The following ZNF217 variants were observed in gnomAD, a reference collection of about 807,000 sequenced individuals.
The protein encoded by ZNF217 is zinc finger protein 217.
A neutral mutation model predicts 73.3 loss-of-function variants in ZNF217; 12 were observed. The observed-to-expected ratio is 0.16, with a 90% CI of 0.10 to 0.27. ZNF217 has a LOEUF of 0.27. ZNF217 is among the 10% of genes least tolerant of loss of function. The pLI is 1.00. For synonymous variants in ZNF217, 588 were observed against 516.4 expected (o/e 1.14, Z -1.88); for missense variants, 1,195 against 1,327.8 (o/e 0.90, Z 1.55).
At chr20:53,586,655 T>G (rs1417212906) in intron 1 of ZNF217, among the ~76,000 whole-genome samples, 1 of 152,238 alleles carries the variant, frequency 6.6e-6, no homozygotes, top group Non-Finnish European at 1.5e-5. Context: ...TTTACATCCC[T>G]TAAAACCAAT....
intron 2 of ZNF217, among the ~76,000 whole-genome samples, chr20:53,579,782 CAG>C (rs1308406754): frequency 7.2e-5 from 11 of 152,286 alleles, no homozygotes; most frequent in African/African-American, 2.4e-4. Context: ...AGGTGGAAGA[CAG>C]GGGTCAATGA....
At chr20:53,594,668 C>T (rs1989008039), upstream of ZNF217, among the ~76,000 whole-genome samples, 1 of 151,966 alleles carries the variant, frequency 6.6e-6, no homozygotes, top group African/African-American at 2.4e-5. Context: ...AGGGTGTGCG[C>T]AGGCGCAGAT....
Position 53,576,421 on chromosome 20 carries a change from C to T in ZNF217, c.2343G>A (p.Pro781=), listed in dbSNP as rs140678854. 181 of 1,614,018 alleles carry T rather than the reference C, an allele frequency of 1.1e-4. No homozygotes were observed. Among genetic ancestry groups the T allele is most frequent in the Non-Finnish European group, 1.5e-4 (174 of 1,180,020 alleles). Residue 781 remains proline, a synonymous_variant, in exon 4 of 6, where the codon CCG becomes CCA. Coordinates refer to ENST00000371471, the MANE Select transcript of ZNF217 (RefSeq NM_006526.3). ...FCKPKPKSAF[P]AQSKSLPSAK... Reference sequence around the variant, plus strand: ...CAGATGGCAGGGATTTGGACTGCGCCGGGAAAGCAGACTTGGGCTTGGGTT... The same window carrying T: ...CAGATGGCAGGGATTTGGACTGCGCTGGGAAAGCAGACTTGGGCTTGGGTT...
intron 1 of ZNF217, among the ~76,000 whole-genome samples, chr20:53,592,669 G>A (rs1272520036): frequency 6.6e-6 from 1 of 151,738 alleles, no homozygotes; most frequent in African/African-American, 2.4e-5. Context: ...CCCCTCGGGC[G>A]GGACCGCCCA....
Position 53,575,406 on chromosome 20 carries a change from A to AAGACTACAGTAAG in ZNF217, c.3037+308_3037+320dup, listed in dbSNP as rs376490667. The AAGACTACAGTAAG allele has an allele frequency of 4.7e-3, 977 of 206,570 alleles. 10 individuals carry two copies. The highest frequency in any genetic ancestry group is 0.021 in the African/African-American group (891 of 43,310). 12.8% of individuals were successfully genotyped at this position (206,570 alleles called of 1,614,324 possible). ...AAGGATCTCTTGAACTCAGGAATTC[A>AAGACTACAGTAAG]AGACTACAGTAAGCTATGATTACAC... On this transcript the variant is annotated intron_variant, in intron 4 of 5. Coordinates refer to ENST00000371471, the MANE Select transcript of ZNF217 (RefSeq NM_006526.3).
At chr20:53,584,785 C>CT (rs1401092818) in intron 1 of ZNF217, among the ~76,000 whole-genome samples, 2 of 152,294 alleles carry the variant, frequency 1.3e-5, no homozygotes, top group Admixed American at 1.3e-4. Context: ...TGTGAAGTGA[C>CT]TTAGGTTTCT....
rs952360871 is a variant in ZNF217, at chr20:53,568,520, C to T, written c.*768G>A. 1 of 152,116 alleles carries T rather than the reference C, an allele frequency of 6.6e-6. No homozygotes were observed. The highest frequency in any genetic ancestry group is 1.5e-5 in the Non-Finnish European group (1 of 68,020). 9.4% of individuals were successfully genotyped at this position (152,116 alleles called of 1,614,324 possible). On this transcript the variant is annotated 3_prime_UTR_variant, in exon 6 of 6. Coordinates refer to ENST00000371471, the MANE Select transcript of ZNF217 (RefSeq NM_006526.3). The stretch of plus-strand genomic sequence containing the variant: ...CTCTTAAAAATCCTACAAGCCATCC[C>T]AACGCCCTCAGTCAAGGATCCTGGA...
chr20:53,581,570 C>A lies in ZNF217; in HGVS notation c.1257G>T (p.Thr419=), dbSNP rs766744159. Residue 419 remains threonine (T), a synonymous_variant, in exon 2 of 6, where the codon ACG becomes ACT. Coordinates refer to ENST00000371471, the MANE Select transcript of ZNF217 (RefSeq NM_006526.3). This position sits in a 1 kb window ranked among gnomAD's most constrained non-coding sequence, Gnocchi z 4.9. ...GAGGGGCGGCGAGGTCAGGAGAACA[C>A]GTCCCCGGCTGCCTCCCGTCCACAG... ...TMSVDGRQPG[T]CSPDLAAPLD... is the part of the protein sequence containing the mutation. The A allele has an allele frequency of 9.3e-6, 15 of 1,614,128 alleles. No homozygotes were observed. Among genetic ancestry groups the A allele is most frequent in the Admixed American group, 5.0e-5 (3 of 60,016 alleles).
chr20:53,569,341 G>GT, intron 5 of ZNF217, 77 bp from the exon 6 acceptor site: 8 of 1,072,162 alleles, frequency 7.5e-6, no homozygotes, highest in Admixed American at 3.6e-5. Context: ...TTAAAAAAGC[G>GT]TAATACATAG....
intron 1 of ZNF217, 55 bp from the exon 2 acceptor site, chr20:53,583,223 G>A (rs1568689021): frequency 4.9e-6 from 2 of 405,606 alleles, no homozygotes; most frequent in Non-Finnish European, 8.7e-6. Context: ...GAGAAGGCTG[G>A]TGTGGGTGAG....
chr20:53,587,209 A>T (rs908680305), intron 1 of ZNF217, among the ~76,000 whole-genome samples: 4 of 152,182 alleles, frequency 2.6e-5, no homozygotes, highest in Admixed American at 6.5e-5. Flanking sequence ...TAGGAACCAT[A>T]TTGCTAGAAA....
chr20:53,576,818 G>C lies in ZNF217; in HGVS notation c.1946C>G (p.Pro649Arg). The change falls in exon 4 of 6, where the codon CCT (proline) becomes CGT (arginine). Residue 649 changes from proline (P) to arginine (R), a missense_variant. Pro to Arg is a moderately radical substitution (Grantham distance 103, BLOSUM62 -2). Coordinates refer to ENST00000371471, the MANE Select transcript of ZNF217 (RefSeq NM_006526.3). ...LICRTKADVT[P>R]PPDGSTTHNL... Reference sequence around the variant, plus strand: ...ATGGGTGGTACTGCCATCCGGAGGAGGAGTAACATCCGCCTTGGTTCTACA... The same window carrying C: ...ATGGGTGGTACTGCCATCCGGAGGACGAGTAACATCCGCCTTGGTTCTACA... The C allele has an allele frequency of 6.2e-7, 1 of 1,614,216 alleles. No individual in the cohort carries two copies.
chr20:53,597,469 C>T (rs1187952206), upstream of ZNF217, among the ~76,000 whole-genome samples: 2 of 152,112 alleles, frequency 1.3e-5, no homozygotes, highest in African/African-American at 2.4e-5. Context: ...TAAATGCACT[C>T]AAGTAAGTAG....
intron 4 of ZNF217, chr20:53,572,625 G>C (rs1988062756): frequency 6.6e-6 from 1 of 152,064 alleles, no homozygotes; most frequent in Non-Finnish European, 1.5e-5. Flanking sequence ...TTTTTAATTT[G>C]CTATCTCTAC....
rs1001629186 is a variant in ZNF217, at chr20:53,581,481, A to G, written c.1346T>C (p.Leu449Pro). The G allele has an allele frequency of 6.2e-7, 1 of 1,610,182 alleles. No individual in the cohort carries two copies. Among genetic ancestry groups the G allele is most frequent in the Non-Finnish European group, 8.5e-7 (1 of 1,177,008 alleles). The change falls in exon 2 of 6, where the codon CTT becomes CCT. Residue 449 changes from leucine (L) to proline (P), a missense_variant. This residue lies in a region of ZNF217 where 116 missense variants were observed against 121.9 expected (regional missense o/e 0.95). Coordinates refer to ENST00000371471, the MANE Select transcript of ZNF217 (RefSeq NM_006526.3). The surrounding 1 kb of genome is among the most constrained non-coding windows in gnomAD (Gnocchi z 4.9). ...CTTACCCAGATGGATTCCTTCGGGA[A>G]GCCCATCCTCAGATCCGTCTTCAGA... ...GGSEDGSEDG[L>P]PEGIHLDKND...
At chr20:53,577,937 C>G (rs1422353208) in intron 3 of ZNF217, among the ~76,000 whole-genome samples, 7 of 152,110 alleles carry the variant, frequency 4.6e-5, no homozygotes, top group Non-Finnish European at 1.0e-4. Context: ...CATGGTGAAA[C>G]CCCATCTCTA....
upstream of ZNF217, among the ~76,000 whole-genome samples, chr20:53,595,773 T>C (rs929493190): frequency 1.4e-4 from 22 of 152,226 alleles, no homozygotes; most frequent in African/African-American, 5.3e-4. Flanking sequence ...TTTAAACTTA[T>C]TGTCACATTC....
At chr20:53,594,248 G>T (rs1269392678), upstream of ZNF217, among the ~76,000 whole-genome samples, 4 of 151,698 alleles carry the variant, frequency 2.6e-5, no homozygotes, top group African/African-American at 4.8e-5. Flanking sequence ...GGCGCTGGGG[G>T]ACTGTTGGGT....
In ZNF217 at chr20:53,569,043, C is replaced by A; in HGVS notation, c.*245G>T. On this transcript the variant is annotated 3_prime_UTR_variant, in exon 6 of 6. Coordinates refer to ENST00000371471, the MANE Select transcript of ZNF217 (RefSeq NM_006526.3). ...CAGGGACAAAATAGAGATTTCCAGTCCCCATGTATGTAAGTTCCAACTGTT... is the reference window on the plus strand; with the variant it reads ...CAGGGACAAAATAGAGATTTCCAGTACCCATGTATGTAAGTTCCAACTGTT... 1.0e-6 allele frequency: 1 copy of A among 1,002,644 alleles called. No homozygotes were observed. 62.1% of individuals were successfully genotyped at this position (1,002,644 alleles called of 1,614,324 possible). A position where few individuals can be genotyped will look rare whatever the true frequency, so the allele number is the denominator to read the frequency against.
Sources: gnomAD v4.1 joint callset for allele counts (sites outside exome capture counted in the v4.1 genomes callset) on GRCh38, gnomAD v4.1.1 for gene constraint, gnomAD v4.1.1 regional missense constraint, Gnocchi (gnomAD v3.1) non-coding constraint, MANE v1.5 for transcripts, NCBI Gene and HGNC (gene_info 2026-07-23, HGNC 2026-07-21) for gene names.